The following BAZ2B variants were observed in gnomAD, a reference collection of about 807,000 sequenced individuals.
BAZ2B encodes the protein bromodomain adjacent to zinc finger domain protein 2B.
In BAZ2B, 91 loss-of-function variants were observed where a neutral mutation model predicts 246.0. The ratio of observed to expected loss-of-function variants is 0.37; its 90% CI spans 0.31 to 0.44. The LOEUF (loss-of-function observed/expected upper bound fraction) is 0.44, where lower values mean the gene tolerates loss of function less well. Among genes scored for constraint, BAZ2B ranks in the 20% least tolerant of loss-of-function variants. BAZ2B has a pLI of 1.00. For synonymous variants in BAZ2B, 855 were observed against 860.0 expected, an observed-to-expected ratio of 0.99 and a Z score of 0.10; for missense variants, 2,332 against 2,533.7, an observed-to-expected ratio of 0.92 and a Z score of 1.71.
chr2:159,492,993 T>C (rs1443972812), intron 2 of BAZ2B, among the ~76,000 whole-genome samples: 1 of 152,228 alleles, frequency 6.6e-6, no homozygotes, highest in Non-Finnish European at 1.5e-5. Context: ...AACACAGTTC[T>C]TTTGATCCTC....
chr2:159,664,001 T>A, the BAZ2B span, among the ~76,000 whole-genome samples: 1 of 79,566 alleles, frequency 1.3e-5, no homozygotes, highest in African/African-American at 4.6e-5. Flanking sequence ...GCATTAGGTA[T>A]ATCTCCCAAT....
chr2:159,679,982 T>C, the BAZ2B span, among the ~76,000 whole-genome samples: 1 of 152,228 alleles, frequency 6.6e-6, no homozygotes, highest in South Asian at 2.1e-4. Flanking sequence ...ATCTCTGGCT[T>C]AGGCAAAATT....
At chr2:159,562,936 A>G (rs2090021061) in intron 1 of BAZ2B, among the ~76,000 whole-genome samples, 1 of 152,182 alleles carries the variant, frequency 6.6e-6, no homozygotes, top group Non-Finnish European at 1.5e-5. Context: ...TAACAGTTTC[A>G]TAAAGTTTTC....
At chr2:159,666,506 C>T in the BAZ2B span, among the ~76,000 whole-genome samples, 21 of 152,088 alleles carry the variant, frequency 1.4e-4, no homozygotes, top group African/African-American at 4.6e-4. Flanking sequence ...AGTGATCCAG[C>T]GACCTCAGCC....
At chr2:159,587,347 T>C (rs1009219515) in intron 1 of BAZ2B, among the ~76,000 whole-genome samples, 2 of 152,188 alleles carry the variant, frequency 1.3e-5, no homozygotes, top group Non-Finnish European at 1.5e-5. Context: ...CCCAAAGCGC[T>C]GGGATTACAG....
chr2:159,647,252 T>C, the BAZ2B span, among the ~76,000 whole-genome samples: 3 of 152,122 alleles, frequency 2.0e-5, no homozygotes, highest in African/African-American at 7.2e-5. Flanking sequence ...GTCAGCAAAT[T>C]GGAAACCCAG....
At chr2:159,564,206 G>A (rs543264795) in intron 1 of BAZ2B, among the ~76,000 whole-genome samples, 9 of 152,272 alleles carry the variant, frequency 5.9e-5, no homozygotes, top group African/African-American at 2.2e-4. Flanking sequence ...GAAGTGCCAA[G>A]GCCCTGAGTT....
chr2:159,474,571 T>C (rs1276530298), intron 3 of BAZ2B, among the ~76,000 whole-genome samples: 4 of 152,228 alleles, frequency 2.6e-5, no homozygotes, highest in African/African-American at 4.8e-5. Flanking sequence ...AGGTTAATAT[T>C]GTTATGTGTG....
the BAZ2B span, among the ~76,000 whole-genome samples, chr2:159,683,962 G>A: frequency 0.066 from 10,075 of 152,214 alleles, 433 homozygotes; most frequent in Middle Eastern, 0.19. Flanking sequence ...CCATGATTCA[G>A]CCTACACAGT....
intron 16 of BAZ2B, 171 bp downstream of exon 16, chr2:159,404,678 C>T (rs1308890844): frequency 1.2e-5 from 7 of 578,994 alleles, no homozygotes; most frequent in Non-Finnish European, 1.7e-5. Flanking sequence ...AAGTAGAAGA[C>T]TTTATTAAAA....
intron 1 of BAZ2B, among the ~76,000 whole-genome samples, chr2:159,576,899 T>G (rs1685455537): frequency 2.9e-5 from 3 of 104,934 alleles, no homozygotes; most frequent in Admixed American, 2.7e-4. Flanking sequence ...GGCTACAGAG[T>G]GAGACTGTGT....
chr2:159,359,134 C>A (rs1438874585), intron 27 of BAZ2B, among the ~76,000 whole-genome samples: 4 of 152,062 alleles, frequency 2.6e-5, no homozygotes, highest in Non-Finnish European at 4.4e-5. Context: ...GACAGAGACA[C>A]AAAAGGCCCT....
At chr2:159,557,786 T>C (rs2089374259) in intron 1 of BAZ2B, among the ~76,000 whole-genome samples, 1 of 152,188 alleles carries the variant, frequency 6.6e-6, no homozygotes, top group African/African-American at 2.4e-5. Context: ...TCCAGCATTA[T>C]GTCAAGAGCT....
intron 1 of BAZ2B, among the ~76,000 whole-genome samples, chr2:159,587,907 A>C (rs778442906): frequency 8.0e-6 from 1 of 124,704 alleles, no homozygotes; most frequent in South Asian, 2.9e-4. Flanking sequence ...TAACAAAAAA[A>C]GGCCAGGAGC....
At chr2:159,461,202 C>T (rs1403367556) in intron 3 of BAZ2B, 2 of 152,200 alleles carry the variant, frequency 1.3e-5, no homozygotes, top group Non-Finnish European at 2.9e-5. Flanking sequence ...ACTGACCTTC[C>T]CTTAAGGCCT....
intron 14 of BAZ2B, chr2:159,412,029 G>A: frequency 9.9e-6 from 9 of 912,766 alleles, no homozygotes; most frequent in Non-Finnish European, 1.2e-5. Flanking sequence ...AGGTTGGCAC[G>A]ACCTTAAGGC....
the BAZ2B span, among the ~76,000 whole-genome samples, chr2:159,641,482 G>A: frequency 6.6e-6 from 1 of 151,998 alleles, no homozygotes; most frequent in Non-Finnish European, 1.5e-5. Context: ...ATGCATAGTT[G>A]GCAAAAATGT....
At chr2:159,388,540 T>A (rs2062915812) in intron 21 of BAZ2B, among the ~76,000 whole-genome samples, 1 of 152,176 alleles carries the variant, frequency 6.6e-6, no homozygotes, top group Non-Finnish European at 1.5e-5. Context: ...AATCGCCATT[T>A]ATTAGTTGTG....
chr2:159,519,607 C>T (rs1365243606), intron 2 of BAZ2B, among the ~76,000 whole-genome samples: 1 of 150,368 alleles, frequency 6.7e-6, no homozygotes, highest in Non-Finnish European at 1.5e-5. Flanking sequence ...AACCAGGGTT[C>T]CAGATCAGGC....
Sources: allele counts gnomAD v4.1 joint callset (sites outside exome capture counted in the v4.1 genomes callset), GRCh38; gene constraint gnomAD v4.1.1; transcripts MANE v1.5; gene names NCBI Gene and HGNC (gene_info 2026-07-23, HGNC 2026-07-21).